STIP1: variants seen among roughly 807,000 people sequenced by gnomAD.
STIP1 encodes the protein stress induced phosphoprotein 1.
Under a neutral mutation model 77.4 loss-of-function variants are expected in STIP1, and 16 were observed. The observed-to-expected ratio is 0.21, with a 90% CI of 0.14 to 0.31. The LOEUF is 0.31. Among genes scored for constraint, STIP1 ranks in the 10% least tolerant of loss-of-function variants. The pLI is 1.00. For missense variants in STIP1, 524 were observed against 684.8 expected, an observed-to-expected ratio of 0.77 and a Z score of 2.62; for synonymous variants, 258 against 246.6, an observed-to-expected ratio of 1.05 and a Z score of -0.44.
Position 64,200,970 on chromosome 11 carries a change from A to G in STIP1, c.1245+677A>G, listed in dbSNP as rs940375048. Among the ~76,000 whole-genome samples, 5 of 137,232 alleles carry G rather than the reference A, an allele frequency of 3.6e-5. No individual in the cohort carries two copies. In the Admixed American group the frequency reaches 3.8e-4, roughly 10 times the overall value. 90.0% of individuals were successfully genotyped at this position (137,232 alleles called of 152,430 possible). On this transcript the variant is annotated intron_variant, in intron 10 of 13. Transcript: ENST00000305218. ...TTGAATTCCTGACTTCAGGTGATCC[A>G]CCCGCCTCAGCCTCCCAAAGTGCTA...
In STIP1 at chr11:64,197,979, G is replaced by A. The variant is rs1946169754; in HGVS notation, c.1023+5G>A. 2 of 1,610,174 alleles carry A rather than the reference G, an allele frequency of 1.2e-6. No individual in the cohort carries two copies. The highest frequency in any genetic ancestry group is 1.1e-5 in the South Asian group (1 of 90,564). On this transcript the variant is annotated splice_donor_5th_base_variant and intron_variant, in intron 8 of 13. Coordinates refer to ENST00000305218, the MANE Select transcript of STIP1 (RefSeq NM_006819.3). ...GTGCTCAAGAAATGCCAGCAGGTGCGTAGGAAAAGAATAGGGGTATTTTCT... is the reference window on the plus strand; with the variant it reads ...GTGCTCAAGAAATGCCAGCAGGTGCATAGGAAAAGAATAGGGGTATTTTCT...
chr11:64,203,751 A>C (rs1946248432), intron 13 of STIP1, 129 bp downstream of exon 13: 2 of 1,306,106 alleles, frequency 1.5e-6, no homozygotes, highest in Admixed American at 4.2e-5. Context: ...CCTAAACTTA[A>C]GGAGATTGGC....
At position 64,193,128 on chromosome 11, in the gene STIP1, C is replaced by T. The variant is rs142164377; in HGVS notation, c.60C>T (p.Ile20=). ...KGNKALSVGN[I]DDALQCYSEA... is the part of the protein sequence containing the mutation. ...ACAAGGCCCTGAGCGTGGGTAACAT[C>T]GATGATGCCTTACAGTGCTACTCCG... Residue 20 remains isoleucine, a synonymous_variant, in exon 2 of 14, where the codon ATC becomes ATT. Transcript: ENST00000305218. 844 of 1,614,168 alleles carry T rather than the reference C, an allele frequency of 5.2e-4. 4 individuals are homozygous for T. The African/African-American group carries it at 9.9e-3, about 19-fold the overall frequency.
At chr11:64,198,621 A>G (rs926739367) in intron 8 of STIP1, among the ~76,000 whole-genome samples, 2 of 152,150 alleles carry the variant, frequency 1.3e-5, no homozygotes, top group Non-Finnish European at 2.9e-5. Flanking sequence ...TGCTGGAATT[A>G]TAGGCGTAAG....
At chr11:64,194,057 C>CT in intron 2 of STIP1, 132 bp from the exon 3 acceptor site, 4 of 1,314,542 alleles carry the variant, frequency 3.0e-6, no homozygotes, top group Non-Finnish European at 4.2e-6. Context: ...TACTCCTCTC[C>CT]TTTTTTTCTC....
intron 1 of STIP1, among the ~76,000 whole-genome samples, chr11:64,189,133 C>T (rs1355447950): frequency 2.6e-5 from 4 of 152,124 alleles, no homozygotes; most frequent in South Asian, 4.1e-4. Flanking sequence ...GAGGTTGAGG[C>T]GGGTGGATCA....
chr11:64,197,884 C>T lies in STIP1; in HGVS notation c.933C>T (p.Phe311=). The change falls in exon 8 of 14, where the codon TTC becomes TTT. Residue 311 remains phenylalanine, a synonymous_variant. Coordinates refer to ENST00000305218, the MANE Select transcript of STIP1 (RefSeq NM_006819.3). Reference sequence around the variant, plus strand: ...ATGCTCGAATTGGCAACTCCTACTTCAAAGAAGAAAAGTACAAGGATGCCA... The same window carrying T: ...ATGCTCGAATTGGCAACTCCTACTTTAAAGAAGAAAAGTACAAGGATGCCA... ...KAYARIGNSY[F]KEEKYKDAIH... is the part of the protein sequence containing the mutation. The T allele has an allele frequency of 1.2e-6, 2 of 1,612,352 alleles. No individual in the cohort carries two copies. Among genetic ancestry groups the T allele is most frequent in the Non-Finnish European group, 1.7e-6 (2 of 1,179,826 alleles).
intron 2 of STIP1, 53 bp from the exon 3 acceptor site, chr11:64,194,136 C>T: frequency 1.3e-6 from 2 of 1,566,722 alleles, no homozygotes. Context: ...AGTTCGTCTT[C>T]TAGATTTACC....
At chr11:64,185,685 G>C (rs947093485), upstream of STIP1, 227 of 1,212,118 alleles carry the variant, frequency 1.9e-4, 2 homozygotes, top group Admixed American at 1.0e-4. Flanking sequence ...TACAGACCCC[G>C]ACTGCAGCCG....
At chr11:64,193,382 GTTA>G in intron 2 of STIP1, 95 bp downstream of exon 2, 1 of 1,092,542 alleles carries the variant, frequency 9.2e-7, no homozygotes. Flanking sequence ...TACACTGATA[GTTA>G]CCTACCCACC....
chr11:64,203,906 C>G (rs536249666), intron 13 of STIP1, 148 bp from the exon 14 acceptor site: 2 of 945,868 alleles, frequency 2.1e-6, no homozygotes. Flanking sequence ...CGAAGTGGAG[C>G]AGGCCTCTGC....
intron 5 of STIP1, 193 bp from the exon 6 acceptor site, chr11:64,197,076 AGC>A: frequency 1.5e-6 from 1 of 685,088 alleles, no homozygotes; most frequent in Non-Finnish European, 2.4e-6. Flanking sequence ...TTTCAGAGCA[AGC>A]AAAGATGAAG....
chr11:64,186,390 G>C, intron 1 of STIP1, 120 bp downstream of exon 1: 1 of 1,131,108 alleles, frequency 8.8e-7, no homozygotes, highest in African/African-American at 1.7e-5. Flanking sequence ...CGCTGGGGCC[G>C]GACGGGGCGG....
At chr11:64,202,837 A>G (rs1200626489) in intron 10 of STIP1, 39 bp from the exon 11 acceptor site, 1 of 1,613,926 alleles carries the variant, frequency 6.2e-7, no homozygotes. Context: ...AGCTTGTCCA[A>G]GGGAATGAGC....
At position 64,194,508 on chromosome 11, in the gene STIP1, C is replaced by T. The variant is rs1450315430; in HGVS notation, c.391C>T (p.Pro131Ser). 1 of 1,613,996 alleles carries T rather than the reference C, an allele frequency of 6.2e-7. No homozygotes were observed. Among genetic ancestry groups the T allele is most frequent in the African/African-American group, 1.3e-5 (1 of 74,886 alleles). ...AAAATTCATGAACCCTTTCAACATG[C>T]CTAATCTGTATCAGAAGTTGGAGAG... ...ERKFMNPFNM[P>S]NLYQKLESDP... is the part of the protein sequence containing the mutation. The change falls in exon 4 of 14, where the codon CCT (proline) becomes TCT (serine). Residue 131 changes from proline to serine, a missense_variant. Transcript: ENST00000305218.
intron 5 of STIP1, among the ~76,000 whole-genome samples, chr11:64,196,645 G>A (rs749091543): frequency 4.6e-5 from 7 of 152,266 alleles, no homozygotes; most frequent in Admixed American, 1.3e-4. Flanking sequence ...GGGAGTGTCC[G>A]CTAAGCAGCA....
chr11:64,199,532 C>T (rs1336936783), intron 8 of STIP1, among the ~76,000 whole-genome samples: 4 of 145,696 alleles, frequency 2.7e-5, no homozygotes, highest in Non-Finnish European at 4.5e-5. Flanking sequence ...AAAAATCTTG[C>T]CAGCAATACT....
intron 11 of STIP1, 102 bp from the exon 12 acceptor site, chr11:64,203,023 C>A: frequency 6.3e-7 from 1 of 1,594,950 alleles, no homozygotes; most frequent in Non-Finnish European, 8.6e-7. Flanking sequence ...ATTTAGGATC[C>A]AACATCAGCA....
chr11:64,192,084 G>T (rs1051388716), intron 1 of STIP1, among the ~76,000 whole-genome samples: 1 of 152,122 alleles, frequency 6.6e-6, no homozygotes, highest in Non-Finnish European at 1.5e-5. Flanking sequence ...AGGCCAAGGC[G>T]TGTGGATCAC....
Sources: allele counts gnomAD v4.1 joint callset (sites outside exome capture counted in the v4.1 genomes callset), GRCh38; gene constraint gnomAD v4.1.1; transcripts MANE v1.5; gene names NCBI Gene and HGNC (gene_info 2026-07-23, HGNC 2026-07-21).